The following DPP6 variants were observed in gnomAD, a reference collection of about 807,000 sequenced individuals.
DPP6 encodes dipeptidyl peptidase like 6.
A neutral mutation model predicts 122.6 loss-of-function variants in DPP6; 69 were observed. That is an observed-to-expected ratio of 0.56 (90% CI 0.46 to 0.69). The LOEUF (loss-of-function observed/expected upper bound fraction) is 0.69, where lower values mean the gene tolerates loss of function less well. Among genes scored for constraint, DPP6 ranks in the 30% least tolerant of loss-of-function variants. DPP6 has a pLI of 0.00. For synonymous variants in DPP6, 418 were observed against 433.1 expected, an observed-to-expected ratio of 0.97 and a Z score of 0.43; for missense variants, 928 against 1,116.9, an observed-to-expected ratio of 0.83 and a Z score of 2.41.
chr7:154,489,197 G>A (rs377549370), intron 3 of DPP6, among the ~76,000 whole-genome samples: 17 of 152,202 alleles, frequency 1.1e-4, no homozygotes, highest in South Asian at 8.3e-4. Flanking sequence ...GAACTTTTCC[G>A]TAGCCCCCAT....
chr7:154,028,260 G>C (rs1799046666), intron 1 of DPP6, among the ~76,000 whole-genome samples: 1 of 152,010 alleles, frequency 6.6e-6, no homozygotes, highest in African/African-American at 2.4e-5. Context: ...TAATGTGCTT[G>C]TTTCATTTCT....
chr7:154,336,392 C>T (rs1217829523), intron 1 of DPP6, among the ~76,000 whole-genome samples: 1 of 152,128 alleles, frequency 6.6e-6, no homozygotes, highest in Non-Finnish European at 1.5e-5. Context: ...GCTTCAGTGA[C>T]TAGCATGAGA....
At chr7:154,631,078 TAA>T (rs1835380595) in intron 5 of DPP6, among the ~76,000 whole-genome samples, 1 of 152,216 alleles carries the variant, frequency 6.6e-6, no homozygotes, top group Admixed American at 6.5e-5. Context: ...GCTAAAAATA[TAA>T]GTTTAGAACT....
rs533703692 is a variant in DPP6 at position 153,967,111 on chromosome 7, G to C, written c.51+79377G>C. Among the ~76,000 whole-genome samples the C allele has an allele frequency of 4.4e-4, 67 of 151,950 alleles. No individual in the cohort carries two copies. In the Middle Eastern group the frequency reaches 0.01, roughly 23 times the overall value. On this transcript the variant is annotated intron_variant, in intron 1 of 25. Coordinates refer to the DPP6 transcript ENST00000404039. ...CAAAAGATAAAAAAAAAATCTCTAGGTCAGAAGCAGATGCTAAAGAGATCC... is the reference window on the plus strand; with the variant it reads ...CAAAAGATAAAAAAAAAATCTCTAGCTCAGAAGCAGATGCTAAAGAGATCC...
At chr7:154,589,973 T>G (rs1178056179) in intron 5 of DPP6, among the ~76,000 whole-genome samples, 1 of 152,220 alleles carries the variant, frequency 6.6e-6, no homozygotes, top group Admixed American at 6.5e-5. Flanking sequence ...TCCTAGCTAA[T>G]CCTCTTGTCT....
At chr7:154,809,910 C>T (rs182327921) in intron 16 of DPP6, among the ~76,000 whole-genome samples, 1 of 152,344 alleles carries the variant, frequency 6.6e-6, no homozygotes, top group Admixed American at 6.5e-5. Context: ...TGCTCTGCCG[C>T]CCAGGCTGGA....
At chr7:154,482,561 C>T (rs1347057310) in intron 3 of DPP6, among the ~76,000 whole-genome samples, 1 of 152,134 alleles carries the variant, frequency 6.6e-6, no homozygotes, top group Non-Finnish European at 1.5e-5. Flanking sequence ...ATTTTCATAG[C>T]TCTCCTTCCA....
At chr7:154,199,086 C>G (rs547007948) in intron 1 of DPP6, among the ~76,000 whole-genome samples, 1 of 151,490 alleles carries the variant, frequency 6.6e-6, no homozygotes, top group East Asian at 1.9e-4. Flanking sequence ...TGGGGTTCCT[C>G]GAGGCTGCTT....
intron 1 of DPP6, among the ~76,000 whole-genome samples, chr7:154,367,639 T>C (rs1211396595): frequency 6.6e-6 from 1 of 152,222 alleles, no homozygotes; most frequent in Non-Finnish European, 1.5e-5. Flanking sequence ...AGTCTCATTT[T>C]TTAAAAAGTC....
At chr7:153,786,693 C>T in the DPP6 span, among the ~76,000 whole-genome samples, 35 of 141,082 alleles carry the variant, frequency 2.5e-4, no homozygotes, top group South Asian at 8.2e-3. Context: ...GAGCCGAGAC[C>T]GCGCCACTGC....
At chr7:154,795,516 C>T (rs1015236189) in intron 11 of DPP6, among the ~76,000 whole-genome samples, 3 of 152,160 alleles carry the variant, frequency 2.0e-5, no homozygotes, top group East Asian at 1.9e-4. Context: ...GACACATGCC[C>T]GGGCAGTGAT....
the DPP6 span, among the ~76,000 whole-genome samples, chr7:153,841,977 C>T: frequency 3.3e-5 from 5 of 152,140 alleles, no homozygotes; most frequent in Non-Finnish European, 7.3e-5. Context: ...TTAATGTGTG[C>T]CCAGGTTTCT....
intron 2 of DPP6, among the ~76,000 whole-genome samples, chr7:154,449,055 A>G (rs1296326862): frequency 6.6e-6 from 1 of 152,218 alleles, no homozygotes; most frequent in Non-Finnish European, 1.5e-5. Flanking sequence ...GCAATCAAAT[A>G]AAAAATAGAT....
chr7:154,851,512 G>T (rs375356495), intron 16 of DPP6, among the ~76,000 whole-genome samples: 60 of 152,230 alleles, frequency 3.9e-4, no homozygotes, highest in African/African-American at 1.3e-3. Flanking sequence ...CTCCCCATGG[G>T]GGGGAAATGA....
At chr7:153,887,568 TCAAAAAC>T in exon 1 of DPP6, 1 of 1,298,708 alleles carries the variant, frequency 7.7e-7, no homozygotes, top group Admixed American at 2.0e-5. Context: ...TTTTTTTCCT[TCAAAAAC>T]CCGTTTCCAT....
At chr7:154,838,665 C>G (rs890067148) in intron 16 of DPP6, 5 of 152,222 alleles carry the variant, frequency 3.3e-5, no homozygotes, top group Admixed American at 3.3e-4. Context: ...GGTGCTGGCC[C>G]CTAAGGACGC....
the DPP6 span, among the ~76,000 whole-genome samples, chr7:153,864,819 G>T: frequency 6.6e-6 from 1 of 151,992 alleles, no homozygotes; most frequent in South Asian, 2.1e-4. Context: ...AAACATGCAG[G>T]CTTTACTCTT....
chr7:154,052,726 T>G lies in DPP6; in HGVS notation c.-95T>G, dbSNP rs963754330. The stretch of plus-strand genomic sequence containing the variant: ...GCTGCTGCCTCCCCACCGCCTTTTT[T>G]TTTTTTTAATCTGGAGCGGGGTGGG... On this transcript the variant is annotated 5_prime_UTR_variant, in exon 1 of 26. Coordinates refer to ENST00000377770, the MANE Select transcript of DPP6 (RefSeq NM_130797.4). This position sits in a 1 kb window ranked among gnomAD's most constrained non-coding sequence, Gnocchi z 4.8. The G allele has an allele frequency of 1.1e-4, 139 of 1,269,892 alleles. No individual in the cohort carries two copies. The highest frequency in any genetic ancestry group is 1.3e-4 in the Non-Finnish European group (132 of 987,668). 78.7% of individuals were successfully genotyped at this position (1,269,892 alleles called of 1,614,324 possible).
chr7:153,772,688 TAAA>T, the DPP6 span, among the ~76,000 whole-genome samples: 1 of 150,008 alleles, frequency 6.7e-6, no homozygotes, highest in African/African-American at 2.4e-5. Context: ...CAGATTGGAT[TAAA>T]AAAGAAAAAA....
Sources: gnomAD v4.1 joint callset for allele counts (sites outside exome capture counted in the v4.1 genomes callset) on GRCh38, gnomAD v4.1.1 for gene constraint, Gnocchi (gnomAD v3.1) non-coding constraint, MANE v1.5 for transcripts, NCBI Gene and HGNC (gene_info 2026-07-23, HGNC 2026-07-21) for gene names.